CADM2: variants seen among roughly 807,000 people sequenced by gnomAD.
The protein encoded by CADM2 is immunoglobulin superfamily member 4D.
CADM2 carries 12 observed loss-of-function variants against 49.8 expected under a neutral mutation model. The ratio of observed to expected loss-of-function variants is 0.24; its 90% CI spans 0.15 to 0.39. CADM2 has a LOEUF of 0.39. Ranked by LOEUF, CADM2 falls within the 10% of genes least tolerant of loss-of-function variation. The pLI is 1.00. For missense variants in CADM2, 378 were observed against 492.3 expected, an observed-to-expected ratio of 0.77 and a Z score of 2.20; for synonymous variants, 214 against 175.4, an observed-to-expected ratio of 1.22 and a Z score of -1.74.
chr3:85,802,256 AT>A, intron 3 of CADM2, 60 bp downstream of exon 3: 1 of 1,422,368 alleles, frequency 7.0e-7, no homozygotes, highest in South Asian at 1.4e-5. Flanking sequence ...ATTACAATAA[AT>A]TTATTTTTCT....
At chr3:85,434,139 A>T (rs2036817444) in intron 1 of CADM2, among the ~76,000 whole-genome samples, 1 of 152,042 alleles carries the variant, frequency 6.6e-6, no homozygotes, top group Admixed American at 6.6e-5. Context: ...AAATTTTAAC[A>T]ATGTTTCTCA....
chr3:85,106,322 G>A (rs1323994564), intron 1 of CADM2, among the ~76,000 whole-genome samples: 1 of 151,954 alleles, frequency 6.6e-6, no homozygotes, highest in East Asian at 1.9e-4. Context: ...AGGATTCCAG[G>A]GCAATAAAGC....
chr3:85,949,197 CT>C (rs927788758), intron 7 of CADM2, among the ~76,000 whole-genome samples: 22 of 150,614 alleles, frequency 1.5e-4, no homozygotes, highest in African/African-American at 5.1e-4. Context: ...ATTTATATGA[CT>C]TTTTTTTAAA....
chr3:85,295,404 C>A (rs1176540144), intron 1 of CADM2, among the ~76,000 whole-genome samples: 1 of 152,132 alleles, frequency 6.6e-6, no homozygotes, highest in Non-Finnish European at 1.5e-5. Flanking sequence ...GGATCTAGAA[C>A]TAGAAATACC....
At chr3:86,013,409 A>C in intron 8 of CADM2, 1 of 1,551,014 alleles carries the variant, frequency 6.4e-7, no homozygotes, top group Non-Finnish European at 8.9e-7. Context: ...AGGCCGAAGA[A>C]ATCCCAGAAG....
At position 85,376,539 on chromosome 3, in the gene CADM2, G is replaced by A. The variant is rs150582174; in HGVS notation, c.62-349983G>A. On this transcript the variant is annotated intron_variant, in intron 1 of 9. Transcript: ENST00000383699. ...AAGTATTCAAGCAACTAAAAATTTA[G>A]TAGTAATGCTTTAATGGATGAAAAA... is the stretch of plus-strand genomic sequence containing the variant. 3.7e-3 allele frequency among the ~76,000 whole-genome samples: 563 copies of A among 152,186 alleles called. 1 individual carries two copies. In the Middle Eastern group the frequency reaches 0.037, roughly 10 times the overall value.
intron 1 of CADM2, among the ~76,000 whole-genome samples, chr3:85,656,202 T>C (rs141007328): frequency 7.2e-5 from 11 of 152,238 alleles, no homozygotes; most frequent in Non-Finnish European, 8.8e-5. Flanking sequence ...TTCTTTATCA[T>C]AGTATGAACA....
intron 1 of CADM2, among the ~76,000 whole-genome samples, chr3:85,539,051 CAT>C (rs2061484218): frequency 6.6e-6 from 1 of 151,774 alleles, no homozygotes; most frequent in African/African-American, 2.4e-5. Context: ...GCCTGAATTT[CAT>C]ATCTCTATGA....
rs373767598 is a variant in CADM2, at chr3:85,643,782, T to G, written c.62-82740T>G. 5.9e-5 allele frequency among the ~76,000 whole-genome samples: 9 copies of G among 152,232 alleles called. No individual in the cohort carries two copies. The South Asian group carries it at 1.0e-3, about 18-fold the overall frequency. ...GTCAAATATAATCTGATATATATTT[T>G]AAGTTTTTAAGGATTATTGTTATTA... On this transcript the variant is annotated intron_variant, in intron 1 of 9. Transcript: ENST00000383699.
chr3:85,114,369 T>A (rs2038566750), intron 1 of CADM2, among the ~76,000 whole-genome samples: 1 of 152,006 alleles, frequency 6.6e-6, no homozygotes, highest in South Asian at 2.1e-4. Flanking sequence ...TGAGGACAGG[T>A]TTTGGTTAGC....
At chr3:85,068,419 C>G (rs959541580) in intron 1 of CADM2, among the ~76,000 whole-genome samples, 2 of 152,126 alleles carry the variant, frequency 1.3e-5, no homozygotes, top group Non-Finnish European at 2.9e-5. Context: ...TAGGCTCAGT[C>G]TACATGGTTG....
chr3:85,271,959 C>A (rs1280752142), intron 1 of CADM2, among the ~76,000 whole-genome samples: 1 of 151,108 alleles, frequency 6.6e-6, no homozygotes. Context: ...TCTGTCATAT[C>A]TCTGAAACAA....
intron 3 of CADM2, among the ~76,000 whole-genome samples, chr3:85,839,539 C>T (rs576938409): frequency 6.6e-6 from 1 of 151,852 alleles, no homozygotes; most frequent in South Asian, 2.1e-4. Context: ...CTGCTGCCTA[C>T]GATAGAGAGC....
intron 1 of CADM2, among the ~76,000 whole-genome samples, chr3:85,334,841 T>A (rs2045033709): frequency 6.6e-6 from 1 of 151,416 alleles, no homozygotes; most frequent in African/African-American, 2.4e-5. Context: ...GGCTGTAGTT[T>A]CTCAATCATT....
chr3:86,036,508 C>A (rs1335286867), intron 8 of CADM2, among the ~76,000 whole-genome samples: 1 of 152,030 alleles, frequency 6.6e-6, no homozygotes, highest in Non-Finnish European at 1.5e-5. Flanking sequence ...AAAATCATTT[C>A]TTTTCCTAGA....
At chr3:86,063,331 G>A (rs1170572666) in intron 8 of CADM2, among the ~76,000 whole-genome samples, 4 of 152,168 alleles carry the variant, frequency 2.6e-5, no homozygotes, top group Non-Finnish European at 5.9e-5. Context: ...CTCCCATTTG[G>A]AATTAAACCA....
At chr3:85,801,081 G>A (rs1033874217) in intron 2 of CADM2, 1 of 152,146 alleles carries the variant, frequency 6.6e-6, no homozygotes, top group African/African-American at 2.4e-5. Flanking sequence ...GTTCTAGAAA[G>A]TCATTCTTAC....
intron 5 of CADM2, among the ~76,000 whole-genome samples, chr3:85,907,623 G>A (rs2108466853): frequency 6.6e-6 from 1 of 152,098 alleles, no homozygotes; most frequent in South Asian, 2.1e-4. Flanking sequence ...TAAAAGTGAA[G>A]GTATTGGCTG....
At chr3:85,427,178 A>ATG (rs1431661595) in intron 1 of CADM2, among the ~76,000 whole-genome samples, 1 of 42,876 alleles carries the variant, frequency 2.3e-5, no homozygotes, top group Non-Finnish European at 1.0e-4. Flanking sequence ...ATATATATAT[A>ATG]TATATATATA....
Sources: allele counts gnomAD v4.1 joint callset (sites outside exome capture counted in the v4.1 genomes callset), GRCh38; gene constraint gnomAD v4.1.1; transcripts MANE v1.5; gene names NCBI Gene and HGNC (gene_info 2026-07-23, HGNC 2026-07-21).